The following SGCG variants were observed in gnomAD, a reference collection of about 807,000 sequenced individuals.
SGCG encodes sarcoglycan gamma.
In SGCG, 26 loss-of-function variants were observed where a neutral mutation model predicts 29.3. That is an observed-to-expected ratio of 0.89 (90% CI 0.65 to 1.23). The LOEUF (loss-of-function observed/expected upper bound fraction) is 1.23, where lower values mean the gene tolerates loss of function less well. SGCG is among the 50% of genes most tolerant of loss of function. SGCG has a pLI of 0.00. For synonymous variants in SGCG, 145 were observed against 129.7 expected (o/e 1.12, Z -0.80); for missense variants, 353 against 356.0 (o/e 0.99, Z 0.07).
At chr13:23,316,187 G>A (rs1314860433) in intron 6 of SGCG, among the ~76,000 whole-genome samples, 1 of 152,234 alleles carries the variant, frequency 6.6e-6, no homozygotes, top group Non-Finnish European at 1.5e-5. Flanking sequence ...CAGCTACCTG[G>A]TGGCAGTTGG....
chr13:23,288,680 T>TATTA (rs1043400411), intron 5 of SGCG, among the ~76,000 whole-genome samples: 1 of 152,202 alleles, frequency 6.6e-6, no homozygotes, highest in African/African-American at 2.4e-5. Flanking sequence ...ACATTTCTTT[T>TATTA]ATTAACCCAA....
At chr13:23,225,363 A>G (rs569203134) in intron 2 of SGCG, among the ~76,000 whole-genome samples, 1 of 152,232 alleles carries the variant, frequency 6.6e-6, no homozygotes, top group Non-Finnish European at 1.5e-5. Flanking sequence ...TTTCCCACTT[A>G]TAATTATTTC....
chr13:23,176,922 C>T (rs779546025), upstream of SGCG, among the ~76,000 whole-genome samples: 20 of 152,126 alleles, frequency 1.3e-4, no homozygotes, highest in Non-Finnish European at 7.4e-5. Context: ...TCTGCATCCC[C>T]ATGTTTATTT....
chr13:23,265,300 C>T (rs1230465034), intron 4 of SGCG, among the ~76,000 whole-genome samples: 4 of 152,026 alleles, frequency 2.6e-5, no homozygotes, highest in South Asian at 2.1e-4. Context: ...GCAAAGGGGC[C>T]GGGCACAGTG....
intron 2 of SGCG, among the ~76,000 whole-genome samples, chr13:23,222,408 C>A (rs1243390998): frequency 6.9e-6 from 1 of 145,768 alleles, no homozygotes; most frequent in Non-Finnish European, 1.5e-5. Flanking sequence ...TATGTGCAAT[C>A]CATATTGAAT....
the SGCG span, among the ~76,000 whole-genome samples, chr13:23,170,780 G>A: frequency 2.6e-3 from 401 of 152,286 alleles, 2 homozygotes; most frequent in African/African-American, 8.9e-3. Context: ...GGTGAGGAGC[G>A]CAGTGACCCT....
chr13:23,193,916 C>A (rs992981207), intron 1 of SGCG, among the ~76,000 whole-genome samples: 1 of 151,850 alleles, frequency 6.6e-6, no homozygotes, highest in Non-Finnish European at 1.5e-5. Flanking sequence ...TATGAAAGGG[C>A]CTGAGAATTA....
At chr13:23,255,137 C>T (rs769694057) in intron 4 of SGCG, among the ~76,000 whole-genome samples, 8 of 152,156 alleles carry the variant, frequency 5.3e-5, no homozygotes, top group African/African-American at 1.9e-4. Context: ...CCAGAATCGT[C>T]GAGCTACCAG....
At chr13:23,279,168 T>G (rs1881205143) in intron 4 of SGCG, among the ~76,000 whole-genome samples, 191 bp from the exon 5 acceptor site, 1 of 152,184 alleles carries the variant, frequency 6.6e-6, no homozygotes, top group African/African-American at 2.4e-5. Context: ...CACAATTAAT[T>G]TTAATAATAC....
chr13:23,256,811 C>T (rs925410204), intron 4 of SGCG, among the ~76,000 whole-genome samples: 1 of 152,188 alleles, frequency 6.6e-6, no homozygotes, highest in African/African-American at 2.4e-5. Flanking sequence ...CAAGTCTTTG[C>T]TATTGTGAAC....
the SGCG span, among the ~76,000 whole-genome samples, chr13:23,162,220 AC>A: frequency 1.0e-3 from 152 of 152,370 alleles, no homozygotes; most frequent in African/African-American, 3.5e-3. Context: ...ATATGTATAC[AC>A]ATATATACAC....
chr13:23,162,067 A>G, the SGCG span, among the ~76,000 whole-genome samples: 1 of 152,224 alleles, frequency 6.6e-6, no homozygotes, highest in African/African-American at 2.4e-5. Flanking sequence ...AAATCAATAA[A>G]CTTTCACGTT....
intron 6 of SGCG, among the ~76,000 whole-genome samples, chr13:23,320,132 T>G (rs1368893915): frequency 6.6e-6 from 1 of 152,216 alleles, no homozygotes; most frequent in Non-Finnish European, 1.5e-5. Context: ...TCTTTTTTTC[T>G]TAAATAAATT....
the SGCG span, among the ~76,000 whole-genome samples, chr13:23,160,655 A>G: frequency 1.3e-5 from 2 of 152,076 alleles, no homozygotes; most frequent in Non-Finnish European, 2.9e-5. Flanking sequence ...AGGTAAAGAG[A>G]ATAGCCACGG....
At chr13:23,267,325 A>C (rs138299729) in intron 4 of SGCG, among the ~76,000 whole-genome samples, 166 of 152,328 alleles carry the variant, frequency 1.1e-3, no homozygotes, top group African/African-American at 3.9e-3. Context: ...TGTCTACAGG[A>C]GCATGGTCAC....
chr13:23,186,762 C>T (rs748584011), intron 1 of SGCG, among the ~76,000 whole-genome samples: 1 of 152,164 alleles, frequency 6.6e-6, no homozygotes, highest in African/African-American at 2.4e-5. Context: ...CAGGGGATCC[C>T]GGGCTCATGT....
rs111873471 is a variant in SGCG at position 23,221,574 on chromosome 13, G to A, written c.196-13037G>A. Among the ~76,000 whole-genome samples, 1,421 of 152,278 alleles carry A rather than the reference G, an allele frequency of 9.3e-3. 26 individuals are homozygous for A. The highest frequency in any genetic ancestry group is 0.032 in the African/African-American group (1,349 of 41,552). On this transcript the variant is annotated intron_variant, in intron 2 of 7. Coordinates refer to ENST00000218867, the MANE Select transcript of SGCG (RefSeq NM_000231.3). ...TGATGTATAAGGCACAGTGCTAAGCGCTACAAATACAAATACTATTTACAA... is the reference window on the plus strand; with the variant it reads ...TGATGTATAAGGCACAGTGCTAAGCACTACAAATACAAATACTATTTACAA...
chr13:23,315,574 C>G (rs1384914416), intron 6 of SGCG, among the ~76,000 whole-genome samples: 1 of 150,752 alleles, frequency 6.6e-6, no homozygotes, highest in African/African-American at 2.4e-5. Context: ...AGGCACCACC[C>G]AAAAGTGGAC....
intron 1 of SGCG, among the ~76,000 whole-genome samples, chr13:23,197,594 T>G (rs1421279383): frequency 6.6e-6 from 1 of 152,324 alleles, no homozygotes; most frequent in Non-Finnish European, 1.5e-5. Context: ...GCTTACTCTC[T>G]TATCTGACAG....
Sources: gnomAD v4.1 joint callset for allele counts (sites outside exome capture counted in the v4.1 genomes callset) on GRCh38, gnomAD v4.1.1 for gene constraint, MANE v1.5 for transcripts, NCBI Gene and HGNC (gene_info 2026-07-23, HGNC 2026-07-21) for gene names.